CSNK2A1: variants seen among roughly 807,000 people sequenced by gnomAD.
CSNK2A1 encodes the protein casein kinase II subunit alpha.
In CSNK2A1, 10 loss-of-function variants were observed where a neutral mutation model predicts 62.9. The ratio of observed to expected loss-of-function variants is 0.16; its 90% CI spans 0.10 to 0.27. The LOEUF is 0.27. CSNK2A1 is among the 10% of genes least tolerant of loss of function. CSNK2A1 has a pLI of 1.00. For synonymous variants in CSNK2A1, 124 were observed against 167.8 expected (o/e 0.74, Z 2.02); for missense variants, 160 against 492.0 (o/e 0.33, Z 6.38).
In CSNK2A1 at chr20:483,463, G is replaced by C. The variant is rs892850670; in HGVS notation, c.*498C>G. The C allele has an allele frequency of 3.9e-5, 6 of 152,522 alleles. No individual in the cohort carries two copies. Among genetic ancestry groups the C allele is most frequent in the African/African-American group, 1.2e-4 (5 of 41,404 alleles). 9.4% of individuals were successfully genotyped at this position (152,522 alleles called of 1,614,324 possible). A position where few individuals can be genotyped will look rare whatever the true frequency, so the allele number is the denominator to read the frequency against. On this transcript the variant is annotated 3_prime_UTR_variant, in exon 14 of 14. Coordinates refer to ENST00000217244, the MANE Select transcript of CSNK2A1 (RefSeq NM_177559.3). ...AGCAGTCCACTGCTCCTATAGATTG[G>C]GTCCTCCCTTCCTTCTTTCCTTCCT... is the stretch of plus-strand genomic sequence containing the variant.
At position 541,867 on chromosome 20, in the gene CSNK2A1, A is replaced by T. The variant is rs553259909; in HGVS notation, c.-227+1805T>A. Among the ~76,000 whole-genome samples, 38 of 152,336 alleles carry T rather than the reference A, an allele frequency of 2.5e-4. No homozygotes were observed. The South Asian group carries it at 5.6e-3, about 22-fold the overall frequency. On this transcript the variant is annotated intron_variant, in intron 1 of 13. Coordinates refer to ENST00000217244, the MANE Select transcript of CSNK2A1 (RefSeq NM_177559.3). ...TTCAAGTCATACACCCTCCCGCAAT[A>T]GCAAACCAAAGCCAAGTATTTCAAA...
At chr20:536,351 C>A (rs2019324292) in intron 1 of CSNK2A1, among the ~76,000 whole-genome samples, 1 of 152,136 alleles carries the variant, frequency 6.6e-6, no homozygotes, top group Non-Finnish European at 1.5e-5. Flanking sequence ...TGTTGGGCAC[C>A]CACATGCCAG....
At chr20:510,283 C>G (rs760333230) in intron 2 of CSNK2A1, 2 of 151,304 alleles carry the variant, frequency 1.3e-5, no homozygotes, top group African/African-American at 2.4e-5. Context: ...TCATGTGATT[C>G]TCCTGCCTCA....
rs528346997 is a variant in CSNK2A1 at position 525,586 on chromosome 20, G to A, written c.-110+2347C>T. Among the ~76,000 whole-genome samples the A allele has an allele frequency of 1.3e-4, 19 of 149,386 alleles. 1 individual carries two copies. The South Asian group carries it at 4.0e-3, about 31-fold the overall frequency. Reference sequence around the variant, plus strand: ...GAATGGCGTGAACCCGGGAGGCAGAGCTTGCAGTGAGCCGAGATCGTGCCA... The same window carrying A: ...GAATGGCGTGAACCCGGGAGGCAGAACTTGCAGTGAGCCGAGATCGTGCCA... On this transcript the variant is annotated intron_variant, in intron 2 of 13. Coordinates refer to ENST00000217244, the MANE Select transcript of CSNK2A1 (RefSeq NM_177559.3).
At chr20:505,507 CT>C (rs552984462) in intron 3 of CSNK2A1, among the ~76,000 whole-genome samples, 279 of 151,672 alleles carry the variant, frequency 1.8e-3, no homozygotes, top group African/African-American at 6.5e-3. Context: ...CCACAGGCGC[CT>C]GCCACCATGC....
chr20:539,054 G>C (rs2019393068), intron 1 of CSNK2A1: 1 of 152,148 alleles, frequency 6.6e-6, no homozygotes, highest in African/African-American at 2.4e-5. Flanking sequence ...GGACTAAATT[G>C]TTTTATAGAA....
At chr20:513,767 T>C (rs535813626) in intron 2 of CSNK2A1, among the ~76,000 whole-genome samples, 2 of 152,308 alleles carry the variant, frequency 1.3e-5, no homozygotes, top group African/African-American at 4.8e-5. Flanking sequence ...TGAATGACCC[T>C]TGAAGCTTTG....
At chr20:497,234 C>T (rs2018363102) in intron 7 of CSNK2A1, among the ~76,000 whole-genome samples, 1 of 152,174 alleles carries the variant, frequency 6.6e-6, no homozygotes, top group Non-Finnish European at 1.5e-5. Context: ...TAGCTCACTG[C>T]TGCCTCAAAT....
intron 3 of CSNK2A1, chr20:506,580 T>C (rs2018606898): frequency 6.6e-6 from 1 of 152,058 alleles, no homozygotes; most frequent in Non-Finnish European, 1.5e-5. Context: ...CAAACACAGT[T>C]CCAATAAGGC....
intron 1 of CSNK2A1, among the ~76,000 whole-genome samples, chr20:540,279 A>C (rs1321320283): frequency 6.6e-6 from 1 of 152,152 alleles, no homozygotes; most frequent in Admixed American, 6.5e-5. Context: ...ACATGGGTCC[A>C]CTCCATTAAA....
rs1262923587 is a variant in CSNK2A1, at chr20:488,479, T to C, written c.824+199A>G. 9.7e-6 allele frequency: 5 copies of C among 517,656 alleles called. No homozygotes were observed. The East Asian group carries it at 1.0e-4, about 10-fold the overall frequency. 32.1% of individuals were successfully genotyped at this position (517,656 alleles called of 1,614,324 possible). A position where few individuals can be genotyped will look rare whatever the true frequency, so the allele number is the denominator to read the frequency against. ...AGCTATAACCCCTCCATCAGACTCC[T>C]GTAAGTTAATTTGAATAAAGGGCCA... On this transcript the variant is annotated intron_variant, in intron 11 of 13. Coordinates refer to ENST00000217244, the MANE Select transcript of CSNK2A1 (RefSeq NM_177559.3).
chr20:513,386 T>A (rs1232950168), intron 2 of CSNK2A1, among the ~76,000 whole-genome samples: 2 of 152,208 alleles, frequency 1.3e-5, no homozygotes, highest in East Asian at 3.8e-4. Flanking sequence ...CAGAAAGGGC[T>A]TAGAAACATG....
chr20:503,806 T>C (rs2018518141), intron 4 of CSNK2A1: 1 of 397,482 alleles, frequency 2.5e-6, no homozygotes, highest in Non-Finnish European at 4.4e-6. Flanking sequence ...CAAATTATAG[T>C]TATATAAGAA....
In CSNK2A1 at chr20:498,980, C is replaced by G. The variant is rs1049306798; in HGVS notation, c.366+275G>C. On this transcript the variant is annotated intron_variant, in intron 6 of 13. Transcript: ENST00000217244. ...GATCCTAAGTGAACGTGTGTTACTG[C>G]CTTCATTAGGTTGGACATCAGCAGA... The G allele has an allele frequency of 2.6e-5, 6 of 231,162 alleles. No individual in the cohort carries two copies. The East Asian group carries it at 5.1e-4, about 20-fold the overall frequency. The allele number at this position is 231,162 out of a possible 1,614,324, so 14.3% of individuals were successfully genotyped here.
chr20:522,358 C>T (rs896432786), intron 2 of CSNK2A1, among the ~76,000 whole-genome samples: 2 of 152,204 alleles, frequency 1.3e-5, no homozygotes, highest in African/African-American at 4.8e-5. Flanking sequence ...ACATCATATG[C>T]CCCTGATATA....
At position 481,000 on chromosome 20, in the gene CSNK2A1, TG is replaced by T. The variant is rs752234212; in HGVS notation, c.*2960del. ...ACAATTTAATCTATCTTATGTAAGC[TG>T]GACAGGCATTTCAAGTACAAGAAAC... On this transcript the variant is annotated 3_prime_UTR_variant, in exon 14 of 14. Transcript: ENST00000217244. 3 of 152,216 alleles carry T rather than the reference TG, an allele frequency of 2.0e-5. No individual in the cohort carries two copies. Among genetic ancestry groups the T allele is most frequent in the Non-Finnish European group, 4.4e-5 (3 of 68,036 alleles). 9.4% of individuals were successfully genotyped at this position (152,216 alleles called of 1,614,324 possible). A position where few individuals can be genotyped will look rare whatever the true frequency, so the allele number is the denominator to read the frequency against.
At chr20:538,961 G>C (rs957317549) in intron 1 of CSNK2A1, among the ~76,000 whole-genome samples, 1 of 152,098 alleles carries the variant, frequency 6.6e-6, no homozygotes, top group African/African-American at 2.4e-5. Context: ...CCTTCAAACT[G>C]CATCTAAGGA....
chr20:523,718 C>T (rs780519123), intron 2 of CSNK2A1, among the ~76,000 whole-genome samples: 17 of 151,836 alleles, frequency 1.1e-4, no homozygotes, highest in South Asian at 2.1e-4. Context: ...GGTGAAACCC[C>T]GTCTCTACTA....
Position 477,465 on chromosome 20 carries a change from G to T in CSNK2A1, c.*6496C>A, listed in dbSNP as rs1343117817. On this transcript the variant is annotated 3_prime_UTR_variant, in exon 14 of 14. Coordinates refer to ENST00000217244, the MANE Select transcript of CSNK2A1 (RefSeq NM_177559.3). ...ACCACAGGTGTGTGGGCCTTCCGTG[G>T]TATCTTAACCTCATCACCCAGAGGC... The T allele has an allele frequency of 6.6e-6, 1 of 152,220 alleles. No homozygotes were observed. The highest frequency in any genetic ancestry group is 1.5e-5 in the Non-Finnish European group (1 of 68,106). 9.4% of individuals were successfully genotyped at this position (152,220 alleles called of 1,614,324 possible).
Sources: gnomAD v4.1 joint callset for allele counts (sites outside exome capture counted in the v4.1 genomes callset) on GRCh38, gnomAD v4.1.1 for gene constraint, MANE v1.5 for transcripts, NCBI Gene and HGNC (gene_info 2026-07-23, HGNC 2026-07-21) for gene names.